GALNT17: variants seen among roughly 807,000 people sequenced by gnomAD.
GALNT17 encodes the protein UDP-GalNAc:polypeptide N-acetylgalactosaminyltransferase-like 3.
GALNT17 carries 29 observed loss-of-function variants against 63.7 expected under a neutral mutation model. The ratio of observed to expected loss-of-function variants is 0.46; its 90% CI spans 0.34 to 0.62. The LOEUF (loss-of-function observed/expected upper bound fraction) is 0.62. Ranked by LOEUF, GALNT17 falls within the 20% of genes least tolerant of loss-of-function variation. GALNT17 has a pLI of 0.01. For synonymous variants in GALNT17, 305 were observed against 318.3 expected (o/e 0.96, Z 0.45); for missense variants, 603 against 799.6 (o/e 0.75, Z 2.97).
chr7:71,184,999 CTT>C, intron 1 of GALNT17, among the ~76,000 whole-genome samples: 1 of 126,878 alleles, frequency 7.9e-6, no homozygotes, highest in Non-Finnish European at 1.6e-5. Flanking sequence ...TTCCTTCCTT[CTT>C]CCTTCCCTCC....
At chr7:71,652,946 C>T (rs990354859) in intron 6 of GALNT17, among the ~76,000 whole-genome samples, 10 of 152,174 alleles carry the variant, frequency 6.6e-5, no homozygotes, top group Admixed American at 5.9e-4. Flanking sequence ...GAGAATCGGG[C>T]AGCTCATGCT....
chr7:71,394,873 G>A (rs545092732), intron 3 of GALNT17, among the ~76,000 whole-genome samples: 110 of 152,210 alleles, frequency 7.2e-4, no homozygotes, highest in African/African-American at 2.1e-3. Context: ...AGGCCGAGGC[G>A]AGCAGATCAC....
intron 5 of GALNT17, among the ~76,000 whole-genome samples, chr7:71,502,276 A>G (rs1467167025): frequency 1.3e-5 from 2 of 152,130 alleles, no homozygotes; most frequent in African/African-American, 4.8e-5. Flanking sequence ...AGTATATCCC[A>G]TCTTTCACAG....
intron 5 of GALNT17, among the ~76,000 whole-genome samples, chr7:71,560,562 G>A (rs1447241681): frequency 6.6e-6 from 1 of 152,222 alleles, no homozygotes; most frequent in Non-Finnish European, 1.5e-5. Flanking sequence ...ATCACATGCA[G>A]AGGAGGGGTC....
intron 1 of GALNT17, among the ~76,000 whole-genome samples, chr7:71,305,705 G>A (rs1323243882): frequency 6.6e-6 from 1 of 152,152 alleles, no homozygotes; most frequent in Non-Finnish European, 1.5e-5. Flanking sequence ...TTACTAGGTT[G>A]GCGACCTGAT....
intron 6 of GALNT17, among the ~76,000 whole-genome samples, chr7:71,592,437 G>A (rs1037458443): frequency 2.0e-5 from 3 of 151,536 alleles, no homozygotes; most frequent in African/African-American, 7.3e-5. Flanking sequence ...AGAGGTTGCA[G>A]TGAGCTGAGA....
chr7:71,248,979 T>G (rs866412065), intron 1 of GALNT17, among the ~76,000 whole-genome samples: 442 of 2,142 alleles, frequency 0.21, 4 homozygotes, highest in African/African-American at 0.48. Context: ...AGAGGTGATG[T>G]TATGCTCCCT....
intron 2 of GALNT17, among the ~76,000 whole-genome samples, chr7:71,387,996 A>G (rs1792977694): frequency 6.6e-6 from 1 of 152,144 alleles, no homozygotes; most frequent in South Asian, 2.1e-4. Flanking sequence ...CAGAGCTAAC[A>G]TTCTAACTCA....
chr7:71,651,954 G>A (rs1168663120), intron 6 of GALNT17, among the ~76,000 whole-genome samples: 4 of 152,020 alleles, frequency 2.6e-5, no homozygotes, highest in African/African-American at 9.7e-5. Flanking sequence ...CCCCCAGCTC[G>A]GCCTCCCAAA....
chr7:71,531,277 CA>C (rs1380255678), intron 5 of GALNT17, among the ~76,000 whole-genome samples: 1 of 152,020 alleles, frequency 6.6e-6, no homozygotes, highest in Non-Finnish European at 1.5e-5. Context: ...TTACCTGCTC[CA>C]AAAGTTTTCT....
chr7:71,262,202 C>T (rs1790397352), intron 1 of GALNT17, among the ~76,000 whole-genome samples: 1 of 152,114 alleles, frequency 6.6e-6, no homozygotes, highest in South Asian at 2.1e-4. Flanking sequence ...GCTTCAAACT[C>T]CTGGGCTCAA....
At chr7:71,208,053 G>A (rs981382254) in intron 1 of GALNT17, among the ~76,000 whole-genome samples, 1 of 151,432 alleles carries the variant, frequency 6.6e-6, no homozygotes, top group African/African-American at 2.4e-5. Flanking sequence ...CTCCCACCTC[G>A]GCCTCCCAAG....
At chr7:71,410,418 A>C (rs985804991) in intron 3 of GALNT17, among the ~76,000 whole-genome samples, 1 of 152,002 alleles carries the variant, frequency 6.6e-6, no homozygotes. Context: ...GCTAATTTTT[A>C]TATTTTTAGT....
chr7:71,372,274 C>T (rs1792638472), intron 2 of GALNT17, among the ~76,000 whole-genome samples: 1 of 152,314 alleles, frequency 6.6e-6, no homozygotes, highest in Non-Finnish European at 1.5e-5. Context: ...AAGCGATTCT[C>T]CTGCCTCAGC....
intron 1 of GALNT17, among the ~76,000 whole-genome samples, chr7:71,177,648 C>T (rs1243649356): frequency 6.6e-6 from 1 of 152,010 alleles, no homozygotes. Context: ...AAAGACGTTC[C>T]AGTTAGAGGG....
rs141249850 is a variant in GALNT17, at chr7:71,560,979, G to A, written c.963-10306G>A. ...TGGTGTAAAAGAATTCACCGTTGCTGATGTAACAAAATGCACTGAAATGAG... is the reference window on the plus strand; with the variant it reads ...TGGTGTAAAAGAATTCACCGTTGCTAATGTAACAAAATGCACTGAAATGAG... On this transcript the variant is annotated intron_variant, in intron 5 of 10. Transcript: ENST00000333538. Among the ~76,000 whole-genome samples the A allele has an allele frequency of 2.2e-4, 33 of 152,292 alleles. 1 individual carries two copies. The East Asian group carries it at 6.2e-3, about 28-fold the overall frequency.
chr7:71,583,568 A>G (rs1369429463), intron 6 of GALNT17, among the ~76,000 whole-genome samples: 1 of 152,180 alleles, frequency 6.6e-6, no homozygotes, highest in Admixed American at 6.5e-5. Flanking sequence ...ACGAAGTTTT[A>G]TTGGACATGG....
Position 71,690,648 on chromosome 7 carries a change from A to G in GALNT17, c.1500+13342A>G, listed in dbSNP as rs73354176. On this transcript the variant is annotated intron_variant, in intron 9 of 10. Coordinates refer to ENST00000333538, the MANE Select transcript of GALNT17 (RefSeq NM_022479.3). ...GGAAGAATGTACCATTTTAGATACCAGTAAGCATGTTTGTGATTCATGGAA... is the reference window on the plus strand; with the variant it reads ...GGAAGAATGTACCATTTTAGATACCGGTAAGCATGTTTGTGATTCATGGAA... Among the ~76,000 whole-genome samples, 866 of 152,352 alleles carry G rather than the reference A, an allele frequency of 5.7e-3. 9 individuals carry two copies. The highest frequency in any genetic ancestry group is 0.02 in the African/African-American group (831 of 41,578).
At position 71,625,393 on chromosome 7, in the gene GALNT17, G is replaced by T. The variant is rs111844223; in HGVS notation, c.1081-40018G>T. On this transcript the variant is annotated intron_variant, in intron 6 of 10. Coordinates refer to ENST00000333538, the MANE Select transcript of GALNT17 (RefSeq NM_022479.3). ...ACTCCTGACCTCAGGTGATCCACCC[G>T]CCTTGGCCTCCCAAAGTGCTGGGAT... Among the ~76,000 whole-genome samples the T allele has an allele frequency of 5.6e-3, 848 of 152,150 alleles. 16 individuals are homozygous for T. The highest frequency in any genetic ancestry group is 0.019 in the African/African-American group (781 of 41,496).
Sources: gnomAD v4.1 joint callset for allele counts (sites outside exome capture counted in the v4.1 genomes callset) on GRCh38, gnomAD v4.1.1 for gene constraint, MANE v1.5 for transcripts, NCBI Gene and HGNC (gene_info 2026-07-23, HGNC 2026-07-21) for gene names.